Variants in MED12L observed in about 807,000 individuals in gnomAD.
MED12L encodes mediator complex subunit 12L, also known as mediator of RNA polymerase II transcription subunit 12-like protein.
Under a neutral mutation model 281.3 loss-of-function variants are expected in MED12L, and 60 were observed. The ratio of observed to expected loss-of-function variants is 0.21; its 90% CI spans 0.17 to 0.26. MED12L has a LOEUF of 0.26. Among genes scored for constraint, MED12L ranks in the 10% least tolerant of loss-of-function variants. The pLI is 1.00. For synonymous variants in MED12L, 974 were observed against 987.2 expected, an observed-to-expected ratio of 0.99 and a Z score of 0.25; for missense variants, 2,146 against 2,680.9, an observed-to-expected ratio of 0.80 and a Z score of 4.41.
In MED12L at chr3:151,411,485, C is replaced by T; in HGVS notation, c.6118C>T (p.Gln2040Ter). The change falls in exon 41 of 45, where the codon CAG (glutamine) becomes TAG (stop). Residue 2040 changes from glutamine to a stop codon, truncating the protein, a stop_gained. Coordinates refer to ENST00000687756, the MANE Select transcript of MED12L (RefSeq NM_001393769.1). LOFTEE classifies it high-confidence loss of function. The stretch of plus-strand genomic sequence containing the variant: ...TCAGCAGCAGGCCTCGCCGTACCTG[C>T]AGCCCCTGACTGGCTCTCAGAGGTG... ...YVQQQASPYL[Q>*]PLTGSQRLNH... The T allele has an allele frequency of 6.2e-7, 1 of 1,614,214 alleles. No homozygotes were observed. The highest frequency in any genetic ancestry group is 2.2e-5 in the East Asian group (1 of 44,886).
At chr3:151,398,461 AGTCATGGAATATTCT>A (rs1715260063) in intron 39 of MED12L, among the ~76,000 whole-genome samples, 1 of 152,218 alleles carries the variant, frequency 6.6e-6, no homozygotes, top group Non-Finnish European at 1.5e-5. Flanking sequence ...AGCTTCAGTC[AGTCATGGAATATTCT>A]GTCATGGATT....
At chr3:151,356,716 GT>G (rs1409650880) in intron 19 of MED12L, among the ~76,000 whole-genome samples, 2 of 152,064 alleles carry the variant, frequency 1.3e-5, no homozygotes, top group African/African-American at 4.8e-5. Context: ...AATAGAGCAT[GT>G]TTTAGGTTAA....
chr3:151,122,427 C>T (rs940965840), intron 3 of MED12L, among the ~76,000 whole-genome samples: 2 of 152,206 alleles, frequency 1.3e-5, no homozygotes, highest in Admixed American at 6.5e-5. Flanking sequence ...AAAGCATTCT[C>T]TCCTGACGGG....
At chr3:151,133,547 G>C (rs1358115872) in intron 5 of MED12L, among the ~76,000 whole-genome samples, 1 of 151,994 alleles carries the variant, frequency 6.6e-6, no homozygotes, top group East Asian at 1.9e-4. Flanking sequence ...TTTAAATAGA[G>C]GGGAATTAGG....
rs1046019789 is a variant in MED12L, at chr3:151,416,323, C to T, written c.6309C>T (p.Pro2103=). The part of the protein sequence containing the change: ...QQQRLLQMQQ[P]QQPQPQQPPQ... ...TACCCTCTTTCCAGATGCAGCAGCCCCAGCAGCCCCAGCCCCAGCAGCCTC... is the reference window on the plus strand; with the variant it reads ...TACCCTCTTTCCAGATGCAGCAGCCTCAGCAGCCCCAGCCCCAGCAGCCTC... Residue 2103 remains proline, a synonymous_variant, in exon 43 of 45, where the codon CCC becomes CCT. Coordinates refer to ENST00000687756, the MANE Select transcript of MED12L (RefSeq NM_001393769.1). 1.2e-6 allele frequency: 2 copies of T among 1,611,488 alleles called. No individual in the cohort carries two copies. Among genetic ancestry groups the T allele is most frequent in the Non-Finnish European group, 1.7e-6 (2 of 1,178,840 alleles).
intron 39 of MED12L, among the ~76,000 whole-genome samples, chr3:151,406,802 C>CTTTTT (rs36114038): frequency 7.3e-6 from 1 of 137,364 alleles, no homozygotes. Flanking sequence ...TCTTCTTCTT[C>CTTTTT]TTTTTTTTTT....
At chr3:151,195,063 T>C (rs973053790) in intron 16 of MED12L, among the ~76,000 whole-genome samples, 6 of 152,230 alleles carry the variant, frequency 3.9e-5, no homozygotes, top group African/African-American at 1.4e-4. Context: ...CTCAGGAGGC[T>C]GAGGCAGGAG....
intron 32 of MED12L, among the ~76,000 whole-genome samples, chr3:151,381,283 C>T (rs1300588840): frequency 6.6e-6 from 1 of 152,154 alleles, no homozygotes; most frequent in Non-Finnish European, 1.5e-5. Context: ...ATCCTCTTGT[C>T]ATTTCTCACC....
chr3:151,342,128 T>C (rs1435663818), intron 16 of MED12L, among the ~76,000 whole-genome samples: 2 of 152,216 alleles, frequency 1.3e-5, no homozygotes, highest in Non-Finnish European at 2.9e-5. Context: ...GTATTTCTAG[T>C]TCTAGATCAC....
intron 5 of MED12L, among the ~76,000 whole-genome samples, chr3:151,141,057 TG>T (rs2148863482): frequency 6.6e-6 from 1 of 152,110 alleles, no homozygotes; most frequent in East Asian, 1.9e-4. Flanking sequence ...TTAGTAGAGA[TG>T]GGGTTTCACC....
intron 16 of MED12L, among the ~76,000 whole-genome samples, chr3:151,251,076 T>C (rs1371204142): frequency 6.6e-6 from 1 of 152,358 alleles, no homozygotes; most frequent in African/African-American, 2.4e-5. Flanking sequence ...GTTCCCTCCA[T>C]GATTAAGGGC....
chr3:151,334,526 G>C (rs1750743967), intron 16 of MED12L, among the ~76,000 whole-genome samples: 1 of 151,894 alleles, frequency 6.6e-6, no homozygotes, highest in South Asian at 2.1e-4. Flanking sequence ...TTTATTTAGA[G>C]ATGGAGTCTC....
chr3:151,195,208 A>G (rs1724493142), intron 16 of MED12L, among the ~76,000 whole-genome samples: 2 of 152,148 alleles, frequency 1.3e-5, no homozygotes, highest in Admixed American at 1.3e-4. Context: ...CTTTCTGGGT[A>G]TCTTCTAGGA....
rs142023200 is a variant in MED12L at position 151,413,179 on chromosome 3, G to A, written c.6181G>A (p.Gly2061Arg). 1.2e-5 allele frequency: 20 copies of A among 1,613,826 alleles called. No individual in the cohort carries two copies. The highest frequency in any genetic ancestry group is 4.4e-5 in the South Asian group (4 of 91,056). The change falls in exon 42 of 45, where the codon GGG (glycine) becomes AGG (arginine). Residue 2061 changes from glycine to arginine, a missense_variant. Gly to Arg is a moderately radical substitution (Grantham distance 125). This residue lies in a region of MED12L where 496 missense variants were observed against 512.0 expected (regional missense o/e 0.97). Coordinates refer to ENST00000687756, the MANE Select transcript of MED12L (RefSeq NM_001393769.1). ...QALQQSPLVG[G>R]GIDAVLTSAH... Reference sequence around the variant, plus strand: ...TCTACAGCAGAGCCCTCTGGTGGGCGGGGGAATTGATGCTGTGCTGACTTC... The same window carrying A: ...TCTACAGCAGAGCCCTCTGGTGGGCAGGGGAATTGATGCTGTGCTGACTTC...
chr3:151,380,238 T>C lies in MED12L; in HGVS notation c.4590+14T>C, dbSNP rs1199254595. On this transcript the variant is annotated intron_variant, in intron 32 of 44. Transcript: ENST00000687756. ...CAAGTTAACCAGGTAAAGTATAGTA[T>C]AATATTAAGACAGGCAAATATCTTT... 1 of 1,486,512 alleles carries C rather than the reference T, an allele frequency of 6.7e-7. No homozygotes were observed. Among genetic ancestry groups the C allele is most frequent in the East Asian group, 2.3e-5 (1 of 43,862 alleles). 92.1% of individuals were successfully genotyped at this position (1,486,512 alleles called of 1,614,324 possible).
At chr3:151,140,236 C>T (rs980686075) in intron 5 of MED12L, among the ~76,000 whole-genome samples, 1 of 152,168 alleles carries the variant, frequency 6.6e-6, no homozygotes, top group South Asian at 2.1e-4. Flanking sequence ...CAAATTTTCC[C>T]TATTTACAGA....
At chr3:151,195,977 G>A (rs1724597584) in intron 16 of MED12L, among the ~76,000 whole-genome samples, 3 of 152,322 alleles carry the variant, frequency 2.0e-5, no homozygotes, top group Non-Finnish European at 4.4e-5. Flanking sequence ...GAATGGTTGA[G>A]GGTTATGTGT....
rs1755740628 is a variant in MED12L at position 151,368,696 on chromosome 3, TTTC to T, written c.3550+446_3550+448del. The stretch of plus-strand genomic sequence containing the variant: ...TTTCATGTCATTTCATTTTATTTCA[TTTC>T]ATTTCATTTCATTTCATTTCATTTC... On this transcript the variant is annotated intron_variant, in intron 25 of 44. Transcript: ENST00000687756. Among the ~76,000 whole-genome samples the T allele has an allele frequency of 2.0e-4, 11 of 54,892 alleles. 1 individual carries two copies. The highest frequency in any genetic ancestry group is 0.014 in the Middle Eastern group (2 of 142). 36.0% of individuals were successfully genotyped at this position (54,892 alleles called of 152,430 possible).
At position 151,086,921 on chromosome 3, in the gene MED12L, G is replaced by T; in HGVS notation, c.-6G>T. On this transcript the variant is annotated 5_prime_UTR_variant, in exon 2 of 45. Coordinates refer to ENST00000687756, the MANE Select transcript of MED12L (RefSeq NM_001393769.1). ...TCATTCATTTCGCCGGTTAACATGA[G>T]AGATCATGGCCGCCTTCGGGCTTCT... 6.3e-7 allele frequency: 1 copy of T among 1,585,472 alleles called. No homozygotes were observed. Among genetic ancestry groups the T allele is most frequent in the South Asian group, 1.1e-5 (1 of 87,410 alleles).
Sources: allele counts gnomAD v4.1 joint callset (sites outside exome capture counted in the v4.1 genomes callset), GRCh38; gene constraint gnomAD v4.1.1; regional missense constraint gnomAD v4.1.1; transcripts MANE v1.5; gene names NCBI Gene and HGNC (gene_info 2026-07-23, HGNC 2026-07-21).